VWA3A: variants seen among roughly 807,000 people sequenced by gnomAD.
The protein encoded by VWA3A is von Willebrand factor A domain containing 3A, also known as von Willebrand factor A domain-containing protein 3A.
A neutral mutation model predicts 160.4 loss-of-function variants in VWA3A; 134 were observed. That is an observed-to-expected ratio of 0.84 (90% CI 0.73 to 0.96). VWA3A has a LOEUF of 0.96. VWA3A is among the 40% of genes least tolerant of loss of function. The pLI, the probability that VWA3A is intolerant of heterozygous loss-of-function variation, is 0.00. For missense variants in VWA3A, 1,310 were observed against 1,447.9 expected, an observed-to-expected ratio of 0.90 and a Z score of 1.55; for synonymous variants, 476 against 543.4, an observed-to-expected ratio of 0.88 and a Z score of 1.72.
intron 21 of VWA3A, among the ~76,000 whole-genome samples, chr16:22,136,556 G>A (rs1484706235): frequency 6.6e-6 from 1 of 152,056 alleles, no homozygotes; most frequent in Non-Finnish European, 1.5e-5. Context: ...GCCTGTGAAG[G>A]AGACTCCTGG....
At chr16:22,154,989 A>G (rs2046415582) in intron 31 of VWA3A, among the ~76,000 whole-genome samples, 1 of 126,264 alleles carries the variant, frequency 7.9e-6, no homozygotes, top group African/African-American at 3.4e-5. Context: ...AAAAAAAAAA[A>G]AAAAAAAAGC....
intron 8 of VWA3A, 79 bp from the exon 9 acceptor site, chr16:22,115,268 C>T (rs2045613288): frequency 6.9e-7 from 1 of 1,451,280 alleles, no homozygotes; most frequent in Non-Finnish European, 9.2e-7. Context: ...ACAGCAAGCC[C>T]TTATCTCTAA....
intron 6 of VWA3A, among the ~76,000 whole-genome samples, chr16:22,106,858 T>G: frequency 6.6e-6 from 1 of 152,184 alleles, no homozygotes; most frequent in East Asian, 1.9e-4. Context: ...GTAGATTCAA[T>G]GCATGGCTGG....
In VWA3A at chr16:22,131,602, G is replaced by C. The variant is rs144286658; in HGVS notation, c.1745G>C (p.Arg582Pro). ...CTCCGCAGGTGGGCCCTGAACCTGCGGTGTCGGGGCAGCAGGAACGTTCTC... is the reference window on the plus strand; with the variant it reads ...CTCCGCAGGTGGGCCCTGAACCTGCCGTGTCGGGGCAGCAGGAACGTTCTC... ...QSAWRWALNL[R>P]CRGSRNVLSA... Residue 582 changes from arginine to proline, a missense_variant, in exon 19 of 34, where the codon CGG (arginine) becomes CCG (proline). By Grantham distance (103) the Arg-to-Pro change is moderately radical (BLOSUM62 -2). Transcript: ENST00000389398. 75 of 1,613,378 alleles carry C rather than the reference G, an allele frequency of 4.6e-5. No individual in the cohort carries two copies. In the African/African-American group the frequency reaches 9.1e-4, roughly 19 times the overall value.
At chr16:22,155,305 A>T (rs11645734) in intron 31 of VWA3A, among the ~76,000 whole-genome samples, 26,018 of 152,024 alleles carry the variant, frequency 0.17, 3,119 homozygotes, top group East Asian at 0.45. Flanking sequence ...TTTCACTCAG[A>T]TTCTGACACC....
chr16:22,134,490 TG>T, intron 21 of VWA3A, 52 bp downstream of exon 21: 1 of 1,467,396 alleles, frequency 6.8e-7, no homozygotes, highest in Non-Finnish European at 9.2e-7. Flanking sequence ...ATTCATTTCC[TG>T]GGGCTACCAT....
chr16:22,126,294 T>G lies in VWA3A; in HGVS notation c.1649T>G (p.Ile550Ser), dbSNP rs1453090098. 1 of 1,612,362 alleles carries G rather than the reference T, an allele frequency of 6.2e-7. No individual in the cohort carries two copies. Among genetic ancestry groups the G allele is most frequent in the South Asian group, 1.1e-5 (1 of 90,988 alleles). The change falls in exon 17 of 34, where the codon ATC (isoleucine) becomes AGC (serine). Residue 550 changes from isoleucine (I) to serine (S), a missense_variant. Physicochemically the swap from Ile to Ser is moderately radical, Grantham distance 142. Coordinates refer to ENST00000389398, the MANE Select transcript of VWA3A (RefSeq NM_173615.5). ...QLSNKDCFNL[I>S]AFGSTIESWR... ...TCCAACAAGGACTGTTTCAACCTCA[T>G]CGCGTATGTGTCTCCTGGCTCCTGG... is the stretch of plus-strand genomic sequence containing the variant.
chr16:22,148,044 A>T, intron 27 of VWA3A, 118 bp from the exon 28 acceptor site: 2 of 1,294,936 alleles, frequency 1.5e-6, no homozygotes, highest in Non-Finnish European at 2.1e-6. Context: ...CCAATCAATG[A>T]TCAGGCAGGC....
At chr16:22,110,564 A>G (rs958003300) in intron 7 of VWA3A, among the ~76,000 whole-genome samples, 2 of 152,208 alleles carry the variant, frequency 1.3e-5, no homozygotes, top group African/African-American at 2.4e-5. Flanking sequence ...GCCAGGAAGA[A>G]GAGGGAGAAG....
intron 24 of VWA3A, 123 bp downstream of exon 24, chr16:22,141,815 G>A (rs903682868): frequency 1.4e-6 from 1 of 740,522 alleles, no homozygotes; most frequent in African/African-American, 1.8e-5. Flanking sequence ...TGGTGCCTCT[G>A]GAGCAAGCCG....
intron 26 of VWA3A, among the ~76,000 whole-genome samples, chr16:22,145,677 A>G (rs1231787622): frequency 6.6e-6 from 1 of 151,644 alleles, no homozygotes; most frequent in African/African-American, 2.4e-5. Context: ...TATGATTTTT[A>G]TTAATATAGC....
chr16:22,092,736 G>T, intron 1 of VWA3A, 85 bp downstream of exon 1: 1 of 1,519,366 alleles, frequency 6.6e-7, no homozygotes, highest in Non-Finnish European at 8.9e-7. Context: ...TGAGTGAGAA[G>T]ATCGAGGGAG....
chr16:22,140,469 G>T (rs2046126230), intron 23 of VWA3A, among the ~76,000 whole-genome samples: 1 of 152,264 alleles, frequency 6.6e-6, no homozygotes, highest in East Asian at 1.9e-4. Flanking sequence ...GCCAGATGTG[G>T]TGGTGCATGC....
chr16:22,103,357 A>T, intron 5 of VWA3A, 118 bp from the exon 6 acceptor site: 1 of 914,206 alleles, frequency 1.1e-6, no homozygotes, highest in Admixed American at 2.6e-5. Context: ...TTCTTCCAAG[A>T]ACCTATGCAC....
chr16:22,153,627 A>G (rs897214057), intron 31 of VWA3A, among the ~76,000 whole-genome samples: 22 of 152,174 alleles, frequency 1.4e-4, no homozygotes, highest in African/African-American at 5.1e-4. Context: ...TAGGAATGCA[A>G]TGTTGTCAGT....
chr16:22,097,840 G>T, intron 3 of VWA3A, 145 bp downstream of exon 3: 1 of 1,172,596 alleles, frequency 8.5e-7, no homozygotes, highest in Middle Eastern at 2.3e-4. Context: ...CTAATCCTCT[G>T]CCTTCAGAAA....
At position 22,149,184 on chromosome 16, in the gene VWA3A, A is replaced by G. The variant is rs571492850; in HGVS notation, c.2985-603A>G. On this transcript the variant is annotated intron_variant, in intron 28 of 33. Coordinates refer to ENST00000389398, the MANE Select transcript of VWA3A (RefSeq NM_173615.5). ...AGCCAGGACTTCAAGAGGTTAAGAC[A>G]CTTGCTGAAGATCGGGTAACCAGTC... Among the ~76,000 whole-genome samples, 8 of 152,264 alleles carry G rather than the reference A, an allele frequency of 5.3e-5. No homozygotes were observed. In the East Asian group the frequency reaches 1.4e-3, roughly 26 times the overall value.
chr16:22,109,411 C>T, intron 6 of VWA3A, 71 bp from the exon 7 acceptor site: 1 of 1,291,870 alleles, frequency 7.7e-7, no homozygotes, highest in Non-Finnish European at 1.1e-6. Context: ...CACTGCGTGG[C>T]ACAGAGCAGC....
rs2141911014 is a variant in VWA3A at position 22,120,966 on chromosome 16, A to G, written c.1117-2A>G. The G allele has an allele frequency of 6.2e-7, 1 of 1,613,958 alleles. No homozygotes were observed. Among genetic ancestry groups the G allele is most frequent in the Middle Eastern group, 1.6e-4 (1 of 6,062 alleles). ...TAATGAGGGCTTTCTCATTTAACTT[A>G]GATTTCCACAGAGATTACAAATGGG... On this transcript the variant is annotated splice_acceptor_variant, in intron 12 of 33. Transcript: ENST00000389398. LOFTEE classifies it high-confidence loss of function.
Sources: gnomAD v4.1 joint callset for allele counts (sites outside exome capture counted in the v4.1 genomes callset) on GRCh38, gnomAD v4.1.1 for gene constraint, MANE v1.5 for transcripts, NCBI Gene and HGNC (gene_info 2026-07-23, HGNC 2026-07-21) for gene names.